Variants in EDC3 observed in about 807,000 individuals in gnomAD.
The protein encoded by EDC3 is enhancer of mRNA-decapping protein 3.
In EDC3, 20 loss-of-function variants were observed where a neutral mutation model predicts 41.8. The ratio of observed to expected loss-of-function variants is 0.48; its 90% CI spans 0.34 to 0.70. EDC3 has a LOEUF of 0.70. Among genes scored for constraint, EDC3 ranks in the 30% least tolerant of loss-of-function variants. The pLI is 0.01. For synonymous variants in EDC3, 206 were observed against 243.2 expected (o/e 0.85, Z 1.42); for missense variants, 444 against 636.8 (o/e 0.70, Z 3.26).
intron 1 of EDC3, chr15:74,679,890 G>A: frequency 6.6e-6 from 1 of 151,552 alleles, no homozygotes; most frequent in Non-Finnish European, 1.5e-5. Context: ...TCACACCACT[G>A]CACTCCAGCC....
chr15:74,648,994 G>C (rs1670559034), intron 4 of EDC3, among the ~76,000 whole-genome samples: 1 of 151,706 alleles, frequency 6.6e-6, no homozygotes, highest in Non-Finnish European at 1.5e-5. Context: ...CTGGCCTCAA[G>C]CAATCCCCCA....
chr15:74,645,570 G>T (rs181322662), intron 4 of EDC3, among the ~76,000 whole-genome samples: 1 of 146,486 alleles, frequency 6.8e-6, no homozygotes, highest in Non-Finnish European at 1.5e-5. Context: ...AAGTTGGGGG[G>T]GGGGGGGTGC....
chr15:74,667,055 A>G (rs894305404), intron 3 of EDC3, among the ~76,000 whole-genome samples: 1 of 152,168 alleles, frequency 6.6e-6, no homozygotes, highest in Non-Finnish European at 1.5e-5. Flanking sequence ...GAATGGCGAT[A>G]CAAGTTAATA....
chr15:74,655,733 C>T lies in EDC3; in HGVS notation c.820G>A (p.Asp274Asn). ...GGATGTGGGACCTGATGCAACTCAC[C>T]CGTGCAGAACTCCTTGCTCACGTTG... ...PHNVSKEFCT[D>N]SGLVVPSISY... is the part of the protein sequence containing the mutation. The change falls in exon 4 of 7, where the codon GAC becomes AAC. Residue 274 changes from aspartate (D) to asparagine (N), a missense_variant and splice_region_variant. Coordinates refer to ENST00000315127, the MANE Select transcript of EDC3 (RefSeq NM_025083.5). The T allele has an allele frequency of 1.2e-6, 2 of 1,601,686 alleles. No homozygotes were observed. The highest frequency in any genetic ancestry group is 1.7e-6 in the Non-Finnish European group (2 of 1,170,642).
At chr15:74,663,011 C>T (rs1368435123) in intron 3 of EDC3, among the ~76,000 whole-genome samples, 5 of 152,178 alleles carry the variant, frequency 3.3e-5, no homozygotes, top group Non-Finnish European at 5.9e-5. Flanking sequence ...GCTGGCCTGG[C>T]GCAGTGGCTC....
At chr15:74,638,394 T>G (rs539331800) in intron 5 of EDC3, 8 of 144,172 alleles carry the variant, frequency 5.5e-5, no homozygotes, top group Non-Finnish European at 1.0e-4. Flanking sequence ...AGTGCAGTGG[T>G]GTGATCTCAG....
chr15:74,651,902 AC>A (rs1360161884), intron 4 of EDC3, among the ~76,000 whole-genome samples: 4 of 152,198 alleles, frequency 2.6e-5, no homozygotes, highest in Admixed American at 6.5e-5. Context: ...AGCCTAGCCT[AC>A]CTTAAACCTG....
chr15:74,666,484 T>A (rs560879499), intron 3 of EDC3, among the ~76,000 whole-genome samples: 7 of 152,014 alleles, frequency 4.6e-5, no homozygotes, highest in African/African-American at 1.2e-4. Flanking sequence ...AATTGATATA[T>A]CCACACAATG....
intron 1 of EDC3, among the ~76,000 whole-genome samples, chr15:74,677,381 G>A (rs2062818625): frequency 8.5e-6 from 1 of 118,090 alleles, no homozygotes; most frequent in Non-Finnish European, 1.7e-5. Context: ...TTTTTTTTTG[G>A]AGACTGAGTC....
At chr15:74,661,902 G>C (rs2062625812) in intron 3 of EDC3, among the ~76,000 whole-genome samples, 1 of 149,068 alleles carries the variant, frequency 6.7e-6, no homozygotes, top group Non-Finnish European at 1.5e-5. Flanking sequence ...CAAATATGCA[G>C]AAAATTCTAA....
In EDC3 at chr15:74,656,074, G is replaced by GA. The variant is rs2062545256; in HGVS notation, c.485-7dup. ...GTGCCTGCTACTAGATGACCCTGGA[G>GA]AAAAAATAGGGACTAAAGTCAGTGT... On this transcript the variant is annotated splice_region_variant and splice_polypyrimidine_tract_variant and intron_variant, in intron 3 of 6. Transcript: ENST00000315127. 6.2e-7 allele frequency: 1 copy of GA among 1,603,100 alleles called. No homozygotes were observed. The highest frequency in any genetic ancestry group is 1.4e-5 in the African/African-American group (1 of 73,934).
Position 74,631,271 on chromosome 15 carries a change from C to T in EDC3, c.*1341G>A, listed in dbSNP as rs2062203750. On this transcript the variant is annotated 3_prime_UTR_variant, in exon 7 of 7. Transcript: ENST00000315127. ...CCTTCTGTCCACCCATCCACCCGCT[C>T]AGCCAGCCTGGGCAGACACAGAGCA... The T allele has an allele frequency of 6.6e-6, 1 of 152,538 alleles. No individual in the cohort carries two copies. The highest frequency in any genetic ancestry group is 1.5e-5 in the Non-Finnish European group (1 of 68,268). The allele number at this position is 152,538 out of a possible 1,614,324, so 9.4% of individuals were successfully genotyped here.
At chr15:74,657,418 C>G (rs1041354065) in intron 3 of EDC3, among the ~76,000 whole-genome samples, 1 of 152,226 alleles carries the variant, frequency 6.6e-6, no homozygotes, top group African/African-American at 2.4e-5. Context: ...CTGAAACAGA[C>G]AGCCAGGTTC....
rs566755682 is a variant in EDC3 at position 74,690,402 on chromosome 15, G to T, written c.-19+5478C>A. On this transcript the variant is annotated intron_variant, in intron 1 of 6. Transcript: ENST00000315127. ...TTCCATCTATTATATTACTAAGGCA[G>T]CGCCCAAATGATCCATAAATTACAA... Among the ~76,000 whole-genome samples, 324 of 131,140 alleles carry T rather than the reference G, an allele frequency of 2.5e-3. 1 individual carries two copies. The highest frequency in any genetic ancestry group is 0.011 in the African/African-American group (311 of 28,702). The allele number at this position is 131,140 out of a possible 152,430, so 86.0% of individuals were successfully genotyped here. A position where few individuals can be genotyped will look rare whatever the true frequency, so the allele number is the denominator to read the frequency against.
chr15:74,646,040 T>G (rs1017237299), intron 4 of EDC3, among the ~76,000 whole-genome samples: 1 of 150,900 alleles, frequency 6.6e-6, no homozygotes, highest in Non-Finnish European at 1.5e-5. Context: ...CCGTTCCCAG[T>G]CTTTTTGTTG....
intron 3 of EDC3, among the ~76,000 whole-genome samples, chr15:74,662,184 T>TA (rs576100497): frequency 6.6e-5 from 10 of 152,112 alleles, no homozygotes; most frequent in South Asian, 2.1e-4. Context: ...CTACCCTTGC[T>TA]AAAAAAATCA....
chr15:74,686,104 A>T (rs1460041965), intron 1 of EDC3, among the ~76,000 whole-genome samples: 1 of 151,568 alleles, frequency 6.6e-6, no homozygotes, highest in Non-Finnish European at 1.5e-5. Context: ...AGGCAGGTGG[A>T]TCACAAGGTC....
intron 4 of EDC3, among the ~76,000 whole-genome samples, chr15:74,649,542 A>G (rs962797449): frequency 2.0e-5 from 3 of 152,196 alleles, no homozygotes; most frequent in Non-Finnish European, 4.4e-5. Context: ...GTATTCTATA[A>G]ATGCTGATGC....
intron 4 of EDC3, among the ~76,000 whole-genome samples, chr15:74,647,007 C>CTTT (rs573421456): frequency 7.4e-6 from 1 of 134,240 alleles, no homozygotes. Flanking sequence ...CTTTCCAGAC[C>CTTT]TTTTTTTTTT....
Sources: gnomAD v4.1 joint callset for allele counts (sites outside exome capture counted in the v4.1 genomes callset) on GRCh38, gnomAD v4.1.1 for gene constraint, MANE v1.5 for transcripts, NCBI Gene and HGNC (gene_info 2026-07-23, HGNC 2026-07-21) for gene names.